ADGRE3: variants seen among roughly 807,000 people sequenced by gnomAD.
ADGRE3 encodes the protein EGF-like module receptor 3.
A neutral mutation model predicts 80.1 loss-of-function variants in ADGRE3; 88 were observed. That is an observed-to-expected ratio of 1.10 (90% confidence interval 0.93 to 1.31). The LOEUF (loss-of-function observed/expected upper bound fraction) is 1.31. Among genes scored for constraint, ADGRE3 ranks in the 40% most tolerant of loss-of-function variants. The pLI, the probability that ADGRE3 is intolerant of heterozygous loss-of-function variation, is 0.00. For missense variants in ADGRE3, 715 were observed against 776.5 expected, an observed-to-expected ratio of 0.92 and a Z score of 0.94; for synonymous variants, 281 against 294.8, an observed-to-expected ratio of 0.95 and a Z score of 0.48.
the ADGRE3 span, chr19:14,600,198 T>C: frequency 1.9e-6 from 3 of 1,613,170 alleles, no homozygotes; most frequent in Non-Finnish European, 2.5e-6. Context: ...TTCTTCCCAC[T>C]GAACCTTTGA....
rs1470048694 is a variant in ADGRE3 at position 14,623,302 on chromosome 19, A to T, written c.1920+2190T>A. 4.5e-4 allele frequency among the ~76,000 whole-genome samples: 12 copies of T among 26,962 alleles called. 3 individuals are homozygous for T. Among genetic ancestry groups the T allele is most frequent in the African/African-American group, 2.0e-3 (12 of 6,126 alleles). 17.7% of individuals were successfully genotyped at this position (26,962 alleles called of 152,430 possible). Reference sequence around the variant, plus strand: ...AAAATACTTAAAAAAAAAAAAATAAAAAAAAAAAAAAATAAAACTCCTGGA... The same window carrying T: ...AAAATACTTAAAAAAAAAAAAATAATAAAAAAAAAAAATAAAACTCCTGGA... On this transcript the variant is annotated intron_variant, in intron 15 of 15. Coordinates refer to ENST00000253673, the MANE Select transcript of ADGRE3 (RefSeq NM_032571.5).
chr19:14,619,000 CTGAGGCTGGAGAACCAGT>C (rs1476664152), downstream of ADGRE3: 1 of 203,960 alleles, frequency 4.9e-6, no homozygotes, highest in Non-Finnish European at 9.8e-6. Context: ...CTTTGGGAAG[CTGAGGCTGGAGAACCAGT>C]TGAGCTCTGG....
At position 14,638,227 on chromosome 19, in the gene ADGRE3, G is replaced by A; in HGVS notation, c.1362C>T (p.Val454=). 1 of 1,614,020 alleles carries A rather than the reference G, an allele frequency of 6.2e-7. No homozygotes were observed. ...TGAGTCTATTGATGCTTGAGTAGTT[G>A]ACCACTGTCAGGTTCCGTGCAGTGA... is the stretch of plus-strand genomic sequence containing the variant. ...LFLTARNLTV[V]NYSSINRLMK... Residue 454 remains valine (V), a synonymous_variant, in exon 11 of 16, where the codon GTC becomes GTT. Transcript: ENST00000253673.
intron 10 of ADGRE3, among the ~76,000 whole-genome samples, chr19:14,639,549 C>T (rs892317234): frequency 2.0e-5 from 3 of 151,948 alleles, no homozygotes; most frequent in South Asian, 2.1e-4. Flanking sequence ...GGACTACAGA[C>T]GTGCACCACT....
intron 14 of ADGRE3, among the ~76,000 whole-genome samples, chr19:14,626,129 G>T (rs994599264): frequency 5.9e-5 from 9 of 152,006 alleles, no homozygotes; most frequent in Non-Finnish European, 1.3e-4. Flanking sequence ...TCATTACAGG[G>T]TATATAATTG....
chr19:14,656,302 C>G (rs1971756147), intron 5 of ADGRE3, among the ~76,000 whole-genome samples: 1 of 143,408 alleles, frequency 7.0e-6, no homozygotes, highest in African/African-American at 2.6e-5. Flanking sequence ...TGTAGTGAGC[C>G]GAGATCACAT....
chr19:14,633,034 G>A (rs543225515), intron 12 of ADGRE3, 22 bp from the exon 13 acceptor site: 35 of 1,577,050 alleles, frequency 2.2e-5, no homozygotes, highest in Non-Finnish European at 3.0e-5. Context: ...ACACAAACAA[G>A]GCAGAGTGCA....
At chr19:14,636,088 T>TTC (rs1555755796) in intron 11 of ADGRE3, among the ~76,000 whole-genome samples, 6 of 29,940 alleles carry the variant, frequency 2.0e-4, no homozygotes, top group Non-Finnish European at 3.9e-4. Flanking sequence ...TTCCCTTTCT[T>TTC]TCTTTCTTTC....
intron 15 of ADGRE3, among the ~76,000 whole-genome samples, chr19:14,620,485 GAA>G (rs1970530892): frequency 1.3e-4 from 3 of 23,510 alleles, no homozygotes; most frequent in African/African-American, 1.7e-4. Flanking sequence ...GAGTACATAT[GAA>G]TATATATGAA....
chr19:14,636,019 T>A (rs868600507), intron 11 of ADGRE3, among the ~76,000 whole-genome samples: 846 of 45,876 alleles, frequency 0.018, 150 homozygotes, highest in South Asian at 0.064. Flanking sequence ...CTTTCTTCCT[T>A]CCTTCCTTCC....
At chr19:14,617,924 T>A (rs2075091957), downstream of ADGRE3, among the ~76,000 whole-genome samples, 1 of 152,078 alleles carries the variant, frequency 6.6e-6, no homozygotes, top group Non-Finnish European at 1.5e-5. Flanking sequence ...ATAAAAATCA[T>A]CCAGTAAAAT....
intron 15 of ADGRE3, among the ~76,000 whole-genome samples, chr19:14,625,003 A>G (rs1361674992): frequency 1.3e-5 from 2 of 151,924 alleles, no homozygotes; most frequent in African/African-American, 2.4e-5. Context: ...TTTTTTAGAC[A>G]GAGTCTCGCT....
chr19:14,607,102 G>A, the ADGRE3 span: 19 of 1,284,672 alleles, frequency 1.5e-5, no homozygotes, highest in Non-Finnish European at 1.6e-5. Flanking sequence ...GTGACATTAA[G>A]GCAAGTGCTT....
chr19:14,663,586 T>A (rs763367777), intron 2 of ADGRE3, 46 bp from the exon 3 acceptor site: 3 of 1,587,648 alleles, frequency 1.9e-6, no homozygotes, highest in Non-Finnish European at 2.6e-6. Context: ...GGTCACAAAC[T>A]CTCCTGTTAT....
chr19:14,615,248 C>T (rs920746467), downstream of ADGRE3, among the ~76,000 whole-genome samples: 1 of 119,558 alleles, frequency 8.4e-6, no homozygotes, highest in Non-Finnish European at 1.6e-5. Context: ...CACTCTGTTG[C>T]CCAGGCTGGA....
In ADGRE3 at chr19:14,621,887, A is replaced by G. The variant is rs1018922626; in HGVS notation, c.1921-2416T>C. On this transcript the variant is annotated intron_variant, in intron 15 of 15. Coordinates refer to ENST00000253673, the MANE Select transcript of ADGRE3 (RefSeq NM_032571.5). ...CTCTGGATTCTCCACAACATGAACCATGACCTCGTTGTTCCCATTCACTGA... is the reference window on the plus strand; with the variant it reads ...CTCTGGATTCTCCACAACATGAACCGTGACCTCGTTGTTCCCATTCACTGA... 13 of 1,043,370 alleles carry G rather than the reference A, an allele frequency of 1.2e-5. 5 individuals are homozygous for G. In the African/African-American group the frequency reaches 2.9e-4, roughly 23 times the overall value. The allele number at this position is 1,043,370 out of a possible 1,614,324, so 64.6% of individuals were successfully genotyped here.
chr19:14,617,090 C>T (rs1005606241), downstream of ADGRE3, among the ~76,000 whole-genome samples: 2 of 151,822 alleles, frequency 1.3e-5, no homozygotes, highest in African/African-American at 2.4e-5. Context: ...CCACCACACC[C>T]CACCTTTTTT....
intron 12 of ADGRE3, 74 bp downstream of exon 12, chr19:14,633,162 C>A: frequency 7.1e-7 from 1 of 1,401,746 alleles, no homozygotes; most frequent in Non-Finnish European, 1.0e-6. Context: ...GAAATGCAAG[C>A]CCCTTGTACC....
intron 11 of ADGRE3, among the ~76,000 whole-genome samples, chr19:14,635,262 A>G (rs1249382367): frequency 6.6e-6 from 1 of 151,552 alleles, no homozygotes; most frequent in Non-Finnish European, 1.5e-5. Context: ...GTGTCCAGCT[A>G]ATTAAAACAA....
Sources: gnomAD v4.1 joint callset for allele counts (sites outside exome capture counted in the v4.1 genomes callset) on GRCh38, gnomAD v4.1.1 for gene constraint, MANE v1.5 for transcripts, NCBI Gene and HGNC (gene_info 2026-07-23, HGNC 2026-07-21) for gene names.